The following SHROOM3 variants were observed in gnomAD, a reference collection of about 807,000 sequenced individuals.
The protein encoded by SHROOM3 is protein Shroom3.
SHROOM3 carries 47 observed loss-of-function variants against 138.6 expected under a neutral mutation model. That is an observed-to-expected ratio of 0.34 (90% CI 0.27 to 0.43). The LOEUF is 0.43. SHROOM3 is among the 20% of genes least tolerant of loss of function. SHROOM3 has a pLI of 1.00. For synonymous variants in SHROOM3, 1,062 were observed against 1,063.3 expected (o/e 1.00, Z 0.02); for missense variants, 2,491 against 2,596.5 (o/e 0.96, Z 0.88).
chr4:76,727,808 A>C (rs529929792), intron 3 of SHROOM3, among the ~76,000 whole-genome samples: 1 of 149,078 alleles, frequency 6.7e-6, no homozygotes, highest in South Asian at 2.1e-4. Flanking sequence ...GAACTGCTTG[A>C]ACCCAGGAGG....
At chr4:76,477,767 T>C (rs1317843221) in intron 1 of SHROOM3, among the ~76,000 whole-genome samples, 2 of 152,118 alleles carry the variant, frequency 1.3e-5, no homozygotes, top group Non-Finnish European at 2.9e-5. Context: ...CATTTCCAGC[T>C]GAGGTACCCA....
At chr4:76,478,759 G>A (rs1731542493) in intron 1 of SHROOM3, among the ~76,000 whole-genome samples, 1 of 152,186 alleles carries the variant, frequency 6.6e-6, no homozygotes, top group Non-Finnish European at 1.5e-5. Context: ...GTGCCCCTCT[G>A]GGATGAAGCT....
In SHROOM3 at chr4:76,525,567, G is replaced by A. The variant is rs554438383; in HGVS notation, c.169-30042G>A. Among the ~76,000 whole-genome samples the A allele has an allele frequency of 1.6e-4, 25 of 152,314 alleles. 1 individual carries two copies. The South Asian group carries it at 5.2e-3, about 32-fold the overall frequency. Reference sequence around the variant, plus strand: ...TTAACATGCATTGCCCTAATGGCTAGTGATGCTGAACATCATTTCATGCAC... The same window carrying A: ...TTAACATGCATTGCCCTAATGGCTAATGATGCTGAACATCATTTCATGCAC... On this transcript the variant is annotated intron_variant, in intron 1 of 10. Coordinates refer to ENST00000296043, the MANE Select transcript of SHROOM3 (RefSeq NM_020859.4).
chr4:76,623,048 A>G (rs913576395), intron 2 of SHROOM3, among the ~76,000 whole-genome samples: 3 of 152,208 alleles, frequency 2.0e-5, no homozygotes, highest in Non-Finnish European at 2.9e-5. Flanking sequence ...ACCACTGTTT[A>G]CTGTTTTAGT....
intron 1 of SHROOM3, among the ~76,000 whole-genome samples, chr4:76,545,720 T>TA (rs1733202240): frequency 6.6e-6 from 1 of 152,236 alleles, no homozygotes; most frequent in South Asian, 2.1e-4. Flanking sequence ...TTGCTCTTTG[T>TA]AAGGGACTTT....
At chr4:76,658,586 G>A (rs1736115869) in intron 2 of SHROOM3, among the ~76,000 whole-genome samples, 1 of 152,174 alleles carries the variant, frequency 6.6e-6, no homozygotes, top group South Asian at 2.1e-4. Context: ...AGCAGGAACA[G>A]TGAACTATAT....
intron 2 of SHROOM3, among the ~76,000 whole-genome samples, chr4:76,704,456 C>T (rs541647695): frequency 1.3e-5 from 2 of 152,264 alleles, no homozygotes; most frequent in South Asian, 2.1e-4. Flanking sequence ...AGGCAGTCTC[C>T]GAGGAGGTGA....
chr4:76,510,245 A>G (rs925590630), intron 1 of SHROOM3, among the ~76,000 whole-genome samples: 4 of 152,342 alleles, frequency 2.6e-5, no homozygotes, highest in Non-Finnish European at 5.9e-5. Flanking sequence ...CCATAAAAAT[A>G]TTTATCTATG....
At chr4:76,737,418 G>GT (rs2110132393) in intron 4 of SHROOM3, among the ~76,000 whole-genome samples, 1 of 152,250 alleles carries the variant, frequency 6.6e-6, no homozygotes, top group South Asian at 2.1e-4. Context: ...GTGGACGTGA[G>GT]TTTTCAGTTC....
chr4:76,758,606 C>T (rs1560618316), intron 8 of SHROOM3: 1 of 151,990 alleles, frequency 6.6e-6, no homozygotes, highest in East Asian at 1.9e-4. Flanking sequence ...AAAACAAAAA[C>T]AAACAAAAAT....
intron 2 of SHROOM3, among the ~76,000 whole-genome samples, chr4:76,610,128 G>A (rs541456283): frequency 1.3e-5 from 2 of 152,308 alleles, no homozygotes; most frequent in African/African-American, 2.4e-5. Flanking sequence ...TCAAACCAAA[G>A]CAAATAAGCC....
At chr4:76,521,253 C>A (rs1732557425) in intron 1 of SHROOM3, among the ~76,000 whole-genome samples, 1 of 151,290 alleles carries the variant, frequency 6.6e-6, no homozygotes, top group Non-Finnish European at 1.5e-5. Flanking sequence ...CCTGGGGTTT[C>A]AAGAGATGTG....
At chr4:76,674,068 C>G (rs530065659) in intron 2 of SHROOM3, among the ~76,000 whole-genome samples, 52 of 151,924 alleles carry the variant, frequency 3.4e-4, no homozygotes, top group African/African-American at 1.2e-3. Context: ...AGACAGGGGT[C>G]TTGCTATGTT....
At chr4:76,679,075 TA>T (rs746641910) in intron 2 of SHROOM3, among the ~76,000 whole-genome samples, 13 of 152,250 alleles carry the variant, frequency 8.5e-5, no homozygotes, top group Admixed American at 2.0e-4. Flanking sequence ...CTCTTAACAA[TA>T]AATAAGTGAT....
rs1279776498 is a variant in SHROOM3, at chr4:76,780,921, T to A, written c.*1744T>A. On this transcript the variant is annotated 3_prime_UTR_variant, in exon 11 of 11. Coordinates refer to ENST00000296043, the MANE Select transcript of SHROOM3 (RefSeq NM_020859.4). The stretch of plus-strand genomic sequence containing the variant: ...ACATGGGAGCCTGAAATTAACTCCA[T>A]CAGTAACTACCTGTGTGTCTTGCTG... 1 of 152,114 alleles carries A rather than the reference T, an allele frequency of 6.6e-6. No individual in the cohort carries two copies. Among genetic ancestry groups the A allele is most frequent in the Non-Finnish European group, 1.5e-5 (1 of 68,026 alleles). The allele number at this position is 152,114 out of a possible 1,614,324, so 9.4% of individuals were successfully genotyped here.
intron 1 of SHROOM3, among the ~76,000 whole-genome samples, chr4:76,485,517 C>A (rs1348029490): frequency 2.0e-5 from 3 of 152,134 alleles, no homozygotes; most frequent in Non-Finnish European, 4.4e-5. Context: ...AAGCTTTGAT[C>A]GTTTTGCACA....
chr4:76,554,622 G>C (rs1037282037), intron 1 of SHROOM3, among the ~76,000 whole-genome samples: 2 of 151,850 alleles, frequency 1.3e-5, no homozygotes, highest in African/African-American at 2.4e-5. Flanking sequence ...GGGTTTCACC[G>C]TGTTAGCCAG....
intron 2 of SHROOM3, chr4:76,638,703 T>C (rs549110001): frequency 3.6e-4 from 55 of 152,356 alleles, no homozygotes; most frequent in African/African-American, 1.3e-3. Context: ...TTTTTTCCTG[T>C]GCCTTTATCT....
rs1208625279 is a variant in SHROOM3 at position 76,580,168 on chromosome 4, C to T, written c.323+24405C>T. ...TACCAAATTATCATCAGGCTAATTG[C>T]TTGACAACCTCTCTTGTTACTGCTG... On this transcript the variant is annotated intron_variant, in intron 2 of 10. Coordinates refer to ENST00000296043, the MANE Select transcript of SHROOM3 (RefSeq NM_020859.4). Among the ~76,000 whole-genome samples the T allele has an allele frequency of 2.0e-5, 3 of 152,236 alleles. No individual in the cohort carries two copies. The East Asian group carries it at 5.8e-4, about 29-fold the overall frequency.
Sources: allele counts gnomAD v4.1 joint callset (sites outside exome capture counted in the v4.1 genomes callset), GRCh38; gene constraint gnomAD v4.1.1; transcripts MANE v1.5; gene names NCBI Gene and HGNC (gene_info 2026-07-23, HGNC 2026-07-21).